The following CNTN1 variants were observed in gnomAD, a reference collection of about 807,000 sequenced individuals.
The protein encoded by CNTN1 is contactin 1.
A neutral mutation model predicts 126.4 loss-of-function variants in CNTN1; 38 were observed. The ratio of observed to expected loss-of-function variants is 0.30; its 90% confidence interval spans 0.23 to 0.39. The LOEUF (loss-of-function observed/expected upper bound fraction) is 0.39. Ranked by LOEUF, CNTN1 falls within the 10% of genes least tolerant of loss-of-function variation. The pLI, the probability that CNTN1 is intolerant of heterozygous loss-of-function variation, is 1.00. For missense variants in CNTN1, 1,009 were observed against 1,248.4 expected (o/e 0.81, Z 2.89); for synonymous variants, 413 against 422.6 (o/e 0.98, Z 0.28).
At chr12:41,013,331 A>T (rs1162967253) in intron 17 of CNTN1, among the ~76,000 whole-genome samples, 4 of 152,110 alleles carry the variant, frequency 2.6e-5, no homozygotes, top group African/African-American at 9.7e-5. Flanking sequence ...TCACCCGTTC[A>T]AGCTCCCAGC....
chr12:40,959,123 A>C lies in CNTN1; in HGVS notation c.1693A>C (p.Asn565His). The C allele has an allele frequency of 6.2e-7, 1 of 1,612,514 alleles. No homozygotes were observed. Among genetic ancestry groups the C allele is most frequent in the South Asian group, 1.1e-5 (1 of 91,064 alleles). ...CTGTTTTTGCTAACAGCTGGATTCCAATGGGGAATTACTAATCCGAAATGC... is the reference window on the plus strand; with the variant it reads ...CTGTTTTTGCTAACAGCTGGATTCCCATGGGGAATTACTAATCCGAAATGC... Reference protein sequence around the residue: ...HYQRNFMLDSNGELLIRNAQL... With the variant: ...HYQRNFMLDSHGELLIRNAQL... The change falls in exon 15 of 24, where the codon AAT (asparagine) becomes CAT (histidine). Residue 565 changes from asparagine to histidine, a missense_variant. Coordinates refer to ENST00000551295, the MANE Select transcript of CNTN1 (RefSeq NM_001843.4).
At chr12:40,776,365 A>G (rs113918220) in intron 1 of CNTN1, among the ~76,000 whole-genome samples, 1,732 of 151,782 alleles carry the variant, frequency 0.011, 40 homozygotes, top group African/African-American at 0.04. Context: ...TGTGCAAATT[A>G]TATATCAATA....
At chr12:40,836,103 TACATATACAGGTATATATATAC>T (rs1565806642) in intron 1 of CNTN1, among the ~76,000 whole-genome samples, 6 of 148,194 alleles carry the variant, frequency 4.0e-5, no homozygotes, top group African/African-American at 1.5e-4. Flanking sequence ...TATATATACG[TACATATACAGGTATATATATAC>T]GTACATATAC....
At chr12:41,054,657 G>T (rs1592469412) in intron 23 of CNTN1, among the ~76,000 whole-genome samples, 1 of 152,042 alleles carries the variant, frequency 6.6e-6, no homozygotes, top group Admixed American at 6.5e-5. Flanking sequence ...CACAAATAAG[G>T]TACTTCACAT....
At chr12:40,748,906 T>A (rs1938287576) in intron 1 of CNTN1, among the ~76,000 whole-genome samples, 1 of 152,134 alleles carries the variant, frequency 6.6e-6, no homozygotes, top group Admixed American at 6.6e-5. Flanking sequence ...AAGTGCGATA[T>A]ATATTTTTTA....
At chr12:40,717,017 A>T (rs1336691685) in intron 1 of CNTN1, among the ~76,000 whole-genome samples, 2 of 152,214 alleles carry the variant, frequency 1.3e-5, no homozygotes, top group Non-Finnish European at 2.9e-5. Flanking sequence ...ATATTAATAG[A>T]TGTGTACAAA....
chr12:40,798,060 G>A (rs557019480), intron 1 of CNTN1, among the ~76,000 whole-genome samples: 162 of 152,130 alleles, frequency 1.1e-3, no homozygotes, highest in African/African-American at 3.7e-3. Context: ...AAGTTTGGAT[G>A]CATTATACAT....
chr12:40,830,003 C>A (rs921518144), intron 1 of CNTN1, among the ~76,000 whole-genome samples: 1 of 152,026 alleles, frequency 6.6e-6, no homozygotes, highest in Non-Finnish European at 1.5e-5. Context: ...ATAAAAGCTC[C>A]CGTGCTGGGT....
rs1012564514 is a variant in CNTN1 at position 41,028,939 on chromosome 12, T to C, written c.2824-124T>C. ...ATCTAGTTTTAAATTTAGTTTTTCCTCTTGTTTTAAATTTATTACTTTTTG... is the reference window on the plus strand; with the variant it reads ...ATCTAGTTTTAAATTTAGTTTTTCCCCTTGTTTTAAATTTATTACTTTTTG... On this transcript the variant is annotated intron_variant, in intron 22 of 23. Coordinates refer to ENST00000551295, the MANE Select transcript of CNTN1 (RefSeq NM_001843.4). 7 of 952,044 alleles carry C rather than the reference T, an allele frequency of 7.4e-6. No individual in the cohort carries two copies. The African/African-American group carries it at 1.2e-4, about 16-fold the overall frequency. 59.0% of individuals were successfully genotyped at this position (952,044 alleles called of 1,614,324 possible). A position where few individuals can be genotyped will look rare whatever the true frequency, so the allele number is the denominator to read the frequency against.
chr12:40,949,198 GT>G (rs202111064), intron 14 of CNTN1, among the ~76,000 whole-genome samples: 45 of 72,956 alleles, frequency 6.2e-4, no homozygotes, highest in Middle Eastern at 7.6e-3. Context: ...AAGTCAATTT[GT>G]TTTTTTTTTT....
intron 15 of CNTN1, chr12:40,971,516 G>T: frequency 6.3e-7 from 1 of 1,594,826 alleles, no homozygotes; most frequent in Non-Finnish European, 8.5e-7. Context: ...CCTGGTGATC[G>T]TTGACACTCA....
At chr12:40,945,023 T>C (rs146522467) in intron 14 of CNTN1, among the ~76,000 whole-genome samples, 241 of 152,208 alleles carry the variant, frequency 1.6e-3, no homozygotes, top group African/African-American at 5.5e-3. Flanking sequence ...AATCTGAAGA[T>C]TGATATGTAC....
intron 23 of CNTN1, among the ~76,000 whole-genome samples, chr12:41,035,936 A>T (rs924846372): frequency 2.6e-5 from 4 of 152,136 alleles, no homozygotes; most frequent in Admixed American, 2.6e-4. Flanking sequence ...AAAAATGTTG[A>T]TGTGCTTTCA....
At chr12:41,014,608 C>T (rs1160822656) in intron 18 of CNTN1, among the ~76,000 whole-genome samples, 1 of 152,128 alleles carries the variant, frequency 6.6e-6, no homozygotes, top group Non-Finnish European at 1.5e-5. Context: ...TAATTTTAAA[C>T]ATTGTCTCTG....
chr12:40,826,797 G>T (rs1399407803), intron 1 of CNTN1, among the ~76,000 whole-genome samples: 1 of 152,174 alleles, frequency 6.6e-6, no homozygotes, highest in Non-Finnish European at 1.5e-5. Flanking sequence ...CTAACCCTGA[G>T]TAATGAACTT....
At chr12:40,910,784 G>C (rs890167712) in intron 3 of CNTN1, among the ~76,000 whole-genome samples, 1 of 152,170 alleles carries the variant, frequency 6.6e-6, no homozygotes, top group African/African-American at 2.4e-5. Context: ...GAATTGCAAT[G>C]ATAACTTCTA....
chr12:41,041,975 T>C (rs201299374), intron 23 of CNTN1, among the ~76,000 whole-genome samples: 1 of 152,196 alleles, frequency 6.6e-6, no homozygotes, highest in Non-Finnish European at 1.5e-5. Flanking sequence ...ATATGTTTGC[T>C]CTTGCTTTTC....
chr12:40,801,040 T>G (rs1940632642), intron 1 of CNTN1, among the ~76,000 whole-genome samples: 1 of 149,096 alleles, frequency 6.7e-6, no homozygotes. Flanking sequence ...AAGATAGATT[T>G]GACAAGCTAG....
intron 1 of CNTN1, among the ~76,000 whole-genome samples, chr12:40,847,189 A>G (rs1176805641): frequency 6.6e-6 from 1 of 151,968 alleles, no homozygotes; most frequent in Non-Finnish European, 1.5e-5. Flanking sequence ...TGATTTGGCT[A>G]CTTCTGCTTC....
Sources: allele counts gnomAD v4.1 joint callset (sites outside exome capture counted in the v4.1 genomes callset), GRCh38; gene constraint gnomAD v4.1.1; transcripts MANE v1.5; gene names NCBI Gene and HGNC (gene_info 2026-07-23, HGNC 2026-07-21).